The following PRDM11 variants were observed in gnomAD, a reference collection of about 807,000 sequenced individuals.
The protein encoded by PRDM11 is PR domain-containing protein 11.
PRDM11 carries 20 observed loss-of-function variants against 97.8 expected under a neutral mutation model. The ratio of observed to expected loss-of-function variants is 0.20; its 90% CI spans 0.14 to 0.30. PRDM11 has a LOEUF of 0.30. Among genes scored for constraint, PRDM11 ranks in the 10% least tolerant of loss-of-function variants. The pLI is 1.00. For missense variants in PRDM11, 1,139 were observed against 1,555.2 expected (o/e 0.73, Z 4.50); for synonymous variants, 599 against 637.7 (o/e 0.94, Z 0.91).
At chr11:45,094,269 G>A (rs1001690339), upstream of PRDM11, among the ~76,000 whole-genome samples, 5 of 152,128 alleles carry the variant, frequency 3.3e-5, no homozygotes, top group Non-Finnish European at 7.3e-5. Flanking sequence ...GAGGTGAGAC[G>A]ATGGGGTGCC....
intron 5 of PRDM11, chr11:45,215,848 C>G (rs1174247766): frequency 2.0e-5 from 3 of 152,328 alleles, no homozygotes; most frequent in Non-Finnish European, 4.4e-5. Context: ...TTTCCTAGTT[C>G]TGCCTCCTTA....
intron 1 of PRDM11, among the ~76,000 whole-genome samples, chr11:45,153,272 G>A (rs1462690335): frequency 6.6e-6 from 1 of 152,266 alleles, no homozygotes; most frequent in African/African-American, 2.4e-5. Flanking sequence ...GAAGGAGCCA[G>A]GGAGCCAGCT....
intron 1 of PRDM11, among the ~76,000 whole-genome samples, chr11:45,150,521 C>T (rs991790217): frequency 1.3e-5 from 2 of 152,154 alleles, no homozygotes; most frequent in East Asian, 3.9e-4. Context: ...ACACCACTTC[C>T]CTGAGCTGCG....
At chr11:45,171,675 GC>G (rs1442991179) in intron 1 of PRDM11, among the ~76,000 whole-genome samples, 1 of 152,206 alleles carries the variant, frequency 6.6e-6, no homozygotes, top group African/African-American at 2.4e-5. Flanking sequence ...GAGGGAATCT[GC>G]CCCTTTGATA....
At chr11:45,174,355 T>C (rs1168161412) in intron 1 of PRDM11, among the ~76,000 whole-genome samples, 1 of 152,206 alleles carries the variant, frequency 6.6e-6, no homozygotes, top group African/African-American at 2.4e-5. Flanking sequence ...CGCTAACCAG[T>C]GTATTAACTC....
At chr11:45,200,229 AG>A (rs1853279619) in intron 4 of PRDM11, among the ~76,000 whole-genome samples, 1 of 152,230 alleles carries the variant, frequency 6.6e-6, no homozygotes, top group Admixed American at 6.5e-5. Context: ...CCCAGCAGAC[AG>A]TGGTCTCAGG....
chr11:45,213,993 A>C (rs1218092270), intron 5 of PRDM11: 3 of 332,544 alleles, frequency 9.0e-6, no homozygotes, highest in African/African-American at 6.5e-5. Context: ...GGCACCTAGC[A>C]TTTAGCAGGT....
In PRDM11 at chr11:45,183,032, T is replaced by C; in HGVS notation, c.395T>C (p.Val132Ala). 1 of 1,614,014 alleles carries C rather than the reference T, an allele frequency of 6.2e-7. No individual in the cohort carries two copies. Among genetic ancestry groups the C allele is most frequent in the Non-Finnish European group, 8.5e-7 (1 of 1,180,006 alleles). Residue 132 changes from valine to alanine, a missense_variant, in exon 4 of 8, where the codon GTA becomes GCA. Transcript: ENST00000683152. ...DTSGESDVRC[V>A]NEVIPKGHIF... is the part of the protein sequence containing the mutation. ...AGTGGAGAGAGTGACGTGCGATGTG[T>C]AAACGAGGTCATCCCCAAGGGCCAC...
At chr11:45,116,703 T>G (rs1852310751) in intron 1 of PRDM11, among the ~76,000 whole-genome samples, 1 of 152,226 alleles carries the variant, frequency 6.6e-6, no homozygotes, top group Non-Finnish European at 1.5e-5. Context: ...CCCAGTCTTT[T>G]GTACTTTGTT....
intron 1 of PRDM11, among the ~76,000 whole-genome samples, chr11:45,101,190 G>C (rs1278834223): frequency 6.6e-6 from 1 of 152,216 alleles, no homozygotes; most frequent in Non-Finnish European, 1.5e-5. Context: ...CTTCCAGTTA[G>C]GGAGGGGGTG....
chr11:45,192,922 C>CAAAATTGCTATTTATAAGGCGAAT lies in PRDM11; in HGVS notation c.486+9801_486+9824dup, dbSNP rs1852967328. 2.6e-5 allele frequency among the ~76,000 whole-genome samples: 4 copies of CAAAATTGCTATTTATAAGGCGAAT among 152,272 alleles called. 1 individual carries two copies. In the South Asian group the frequency reaches 8.3e-4, roughly 32 times the overall value. ...GATAGTTGATGATGTGTCACTGAAA[C>CAAAATTGCTATTTATAAGGCGAAT]AAAATTGCTATTTATAAGGCGAATA... On this transcript the variant is annotated intron_variant, in intron 4 of 7. Coordinates refer to ENST00000683152, the MANE Select transcript of PRDM11 (RefSeq NM_001384648.1).
chr11:45,123,503 T>C (rs887114373), intron 1 of PRDM11, among the ~76,000 whole-genome samples: 1 of 152,058 alleles, frequency 6.6e-6, no homozygotes, highest in African/African-American at 2.4e-5. Flanking sequence ...CTTTAATCCA[T>C]CTTGAATTAA....
At chr11:45,104,443 C>T (rs185345523) in intron 1 of PRDM11, among the ~76,000 whole-genome samples, 2 of 152,304 alleles carry the variant, frequency 1.3e-5, no homozygotes, top group East Asian at 3.9e-4. Flanking sequence ...GACACGTGCC[C>T]TTCCTGCTGC....
In PRDM11 at chr11:45,101,571, AAGAAGAAG is replaced by A. The variant is rs1565220011; in HGVS notation, c.96+5672_96+5679del. ...ACTCTGTCTCAAAAAAAAAAAAAAGAAGAAGAAGAAGAAGAAGAAGAAGAAGAAGGCGT... is the reference window on the plus strand; with the variant it reads ...ACTCTGTCTCAAAAAAAAAAAAAAGAAAGAAGAAGAAGAAGAAGAAGGCGT... On this transcript the variant is annotated intron_variant, in intron 1 of 6. Transcript: ENST00000530656. 6.1e-3 allele frequency among the ~76,000 whole-genome samples: 681 copies of A among 112,380 alleles called. 23 individuals are homozygous for A. Among genetic ancestry groups the A allele is most frequent in the Non-Finnish European group, 9.2e-3 (502 of 54,650 alleles). 73.7% of individuals were successfully genotyped at this position (112,380 alleles called of 152,430 possible).
intron 4 of PRDM11, among the ~76,000 whole-genome samples, chr11:45,188,108 C>T (rs1436115330): frequency 3.9e-5 from 6 of 152,174 alleles, no homozygotes; most frequent in African/African-American, 1.2e-4. Flanking sequence ...TTCAGCACAA[C>T]ACATTTCCCT....
rs764525159 is a variant in PRDM11 at position 45,213,393 on chromosome 11, T to A, written c.555-6177T>A. ...CCGAATGGAGTCCCACTTTCCAACC[T>A]TGGGGCTGCTGCATCGGCCTCCCAC... On this transcript the variant is annotated intron_variant, in intron 5 of 7. Coordinates refer to ENST00000683152, the MANE Select transcript of PRDM11 (RefSeq NM_001384648.1). 5 of 446,204 alleles carry A rather than the reference T, an allele frequency of 1.1e-5. No individual in the cohort carries two copies. The Admixed American group carries it at 1.2e-4, about 11-fold the overall frequency. 27.6% of individuals were successfully genotyped at this position (446,204 alleles called of 1,614,324 possible).
chr11:45,182,367 C>T lies in PRDM11; in HGVS notation c.223+18C>T, dbSNP rs370114826. On this transcript the variant is annotated intron_variant, in intron 3 of 7. Coordinates refer to ENST00000683152, the MANE Select transcript of PRDM11 (RefSeq NM_001384648.1). ...CTTCTGGTGTAAGTGGAGCTTGGGG[C>T]TCTGGGCTGCTCCTCCCTTCACCCC... 18 of 1,601,170 alleles carry T rather than the reference C, an allele frequency of 1.1e-5. No individual in the cohort carries two copies. The highest frequency in any genetic ancestry group is 1.5e-5 in the Non-Finnish European group (17 of 1,169,302).
chr11:45,136,068 C>T lies in PRDM11; in HGVS notation c.96+40167C>T, dbSNP rs1252867392. 2.0e-5 allele frequency among the ~76,000 whole-genome samples: 3 copies of T among 152,302 alleles called. No individual in the cohort carries two copies. The East Asian group carries it at 5.8e-4, about 29-fold the overall frequency. On this transcript the variant is annotated intron_variant, in intron 1 of 6. Coordinates refer to the PRDM11 transcript ENST00000530656. ...CTTAATGTAGGATTTTGGTTCATTA[C>T]TTGTGGCCAATGTATTGTACCAATG... is the stretch of plus-strand genomic sequence containing the variant.
chr11:45,095,701 C>T (rs536381443), upstream of PRDM11: 4 of 662,082 alleles, frequency 6.0e-6, no homozygotes, highest in African/African-American at 7.3e-5. Flanking sequence ...GAAAGGCATT[C>T]TCTTTTTAAC....
Sources: gnomAD v4.1 joint callset for allele counts (sites outside exome capture counted in the v4.1 genomes callset) on GRCh38, gnomAD v4.1.1 for gene constraint, MANE v1.5 for transcripts, NCBI Gene and HGNC (gene_info 2026-07-23, HGNC 2026-07-21) for gene names.